Variants in DYNC2H1 observed in about 807,000 individuals in gnomAD.
The protein encoded by DYNC2H1 is cytoplasmic dynein 2 heavy chain 1.
A neutral mutation model predicts 570.0 loss-of-function variants in DYNC2H1; 410 were observed. That is an observed-to-expected ratio of 0.72 (90% CI 0.66 to 0.78). DYNC2H1 has a LOEUF of 0.78. DYNC2H1 is among the 30% of genes least tolerant of loss of function. The pLI is 0.00. For synonymous variants in DYNC2H1, 1,688 were observed against 1,677.6 expected (o/e 1.01, Z -0.15); for missense variants, 4,865 against 5,046.4 (o/e 0.96, Z 1.09).
At chr11:103,381,027 C>A (rs1007020403) in intron 83 of DYNC2H1, among the ~76,000 whole-genome samples, 4 of 152,104 alleles carry the variant, frequency 2.6e-5, no homozygotes, top group African/African-American at 9.7e-5. Flanking sequence ...GAGGATTTAA[C>A]AGAACTTACA....
intron 17 of DYNC2H1, among the ~76,000 whole-genome samples, chr11:103,141,564 G>A (rs1482228136): frequency 6.6e-6 from 1 of 152,170 alleles, no homozygotes; most frequent in African/African-American, 2.4e-5. Context: ...TCCTCTGGAA[G>A]TTTTGTCTCA....
chr11:103,170,272 A>C lies in DYNC2H1; in HGVS notation c.5133A>C (p.Leu1711Phe). Residue 1711 changes from leucine to phenylalanine, a missense_variant, in exon 33 of 89, where the codon TTA becomes TTC. Physicochemically the swap from Leu to Phe is conservative, Grantham distance 22. Around this residue, in one of 5 missense-constraint regions of DYNC2H1, gnomAD observed 292 missense variants for 300.2 expected, o/e 0.97. Transcript: ENST00000375735. This position sits in a 1 kb window ranked among gnomAD's most constrained non-coding sequence, Gnocchi z 4.8. ...GTGGACTTCTTGGAAGACAAGTTTT[A>C]GTCTTTAATTGTGATGAGGTAGAAT... Reference protein sequence around the residue: ...ALGGLLGRQVLVFNCDEGIDV... With the variant: ...ALGGLLGRQVFVFNCDEGIDV... The C allele has an allele frequency of 6.3e-7, 1 of 1,598,200 alleles. No homozygotes were observed. The highest frequency in any genetic ancestry group is 1.3e-5 in the African/African-American group (1 of 74,458).
Position 103,189,945 on chromosome 11 carries a change from G to A in DYNC2H1, c.7437+129G>A. Reference sequence around the variant, plus strand: ...GTTTATTAGACTTTTCTAGTAGAGAGTAACTGTGAAGACAGGTGCTGTGTG... The same window carrying A: ...GTTTATTAGACTTTTCTAGTAGAGAATAACTGTGAAGACAGGTGCTGTGTG... On this transcript the variant is annotated intron_variant, in intron 45 of 88. Coordinates refer to ENST00000375735, the MANE Select transcript of DYNC2H1 (RefSeq NM_001377.3). This position sits in a 1 kb window ranked among gnomAD's most constrained non-coding sequence, Gnocchi z 4.3. 1 of 940,102 alleles carries A rather than the reference G, an allele frequency of 1.1e-6. No homozygotes were observed. The highest frequency in any genetic ancestry group is 1.5e-6 in the Non-Finnish European group (1 of 646,892). The allele number at this position is 940,102 out of a possible 1,614,324, so 58.2% of individuals were successfully genotyped here.
chr11:103,321,337 A>C (rs1329613127), intron 81 of DYNC2H1, 100 bp downstream of exon 81: 2 of 1,127,268 alleles, frequency 1.8e-6, no homozygotes, highest in Non-Finnish European at 2.6e-6. Context: ...TGCACAAGTA[A>C]TTATTCACAG....
chr11:103,479,347 A>C lies in DYNC2H1; in HGVS notation c.*94A>C, dbSNP rs1945672384. Reference sequence around the variant, plus strand: ...GTGGTCAGTCTACATTTGAAATGTTAGTTCAAAATATTAACATATAGTTAT... The same window carrying C: ...GTGGTCAGTCTACATTTGAAATGTTCGTTCAAAATATTAACATATAGTTAT... On this transcript the variant is annotated 3_prime_UTR_variant, in exon 89 of 89. Transcript: ENST00000375735. 7.3e-7 allele frequency: 1 copy of C among 1,378,586 alleles called. No individual in the cohort carries two copies. Among genetic ancestry groups the C allele is most frequent in the East Asian group, 2.5e-5 (1 of 40,716 alleles). The allele number at this position is 1,378,586 out of a possible 1,614,324, so 85.4% of individuals were successfully genotyped here. A position where few individuals can be genotyped will look rare whatever the true frequency, so the allele number is the denominator to read the frequency against.
intron 84 of DYNC2H1, chr11:103,403,603 T>G (rs1014820251): frequency 2.6e-5 from 4 of 152,114 alleles, no homozygotes; most frequent in Admixed American, 2.0e-4. Flanking sequence ...CTGTCCGTAG[T>G]AAAGGCCTGG....
At chr11:103,423,408 TAAAAAAAAAAAAA>T (rs60223334) in intron 84 of DYNC2H1, among the ~76,000 whole-genome samples, 82,724 of 121,958 alleles carry the variant, frequency 0.68, 24,786 homozygotes, top group East Asian at 0.78. Flanking sequence ...GCCAAAAAAG[TAAAAAAAAAAAAA>T]AAAAAAAAAA....
At position 103,177,277 on chromosome 11, in the gene DYNC2H1, GT is replaced by G. The variant is rs1861862991; in HGVS notation, c.5875-278del. 6.6e-6 allele frequency among the ~76,000 whole-genome samples: 1 copy of G among 152,130 alleles called. No individual in the cohort carries two copies. Among genetic ancestry groups the G allele is most frequent in the Non-Finnish European group, 1.5e-5 (1 of 68,026 alleles). Reference sequence around the variant, plus strand: ...TGAATATATTTGAATGAGTGAATGAGTGGAGCAAGTAACGAACATAATTGTT... The same window carrying G: ...TGAATATATTTGAATGAGTGAATGAGGGAGCAAGTAACGAACATAATTGTT... On this transcript the variant is annotated intron_variant, in intron 37 of 88. Transcript: ENST00000375735. This position sits in a 1 kb window ranked among gnomAD's most constrained non-coding sequence, Gnocchi z 4.4.
intron 3 of DYNC2H1, among the ~76,000 whole-genome samples, chr11:103,114,694 G>A (rs1419289856): frequency 2.0e-5 from 3 of 152,098 alleles, no homozygotes; most frequent in South Asian, 2.1e-4. Context: ...GTTCCTTTGA[G>A]CCCCTGGTCA....
chr11:103,260,544 A>G (rs1270577760), intron 70 of DYNC2H1, among the ~76,000 whole-genome samples: 1 of 152,212 alleles, frequency 6.6e-6, no homozygotes, highest in Admixed American at 6.5e-5. Context: ...CGTGTGTTCC[A>G]GAAGAGAACA....
At chr11:103,125,076 C>T in intron 11 of DYNC2H1, 24 bp from the exon 12 acceptor site, 1 of 1,556,898 alleles carries the variant, frequency 6.4e-7, no homozygotes, top group Non-Finnish European at 8.8e-7. Flanking sequence ...TGAAACTTAA[C>T]AGGTTATTTA....
chr11:103,148,259 C>T (rs1860345625), intron 19 of DYNC2H1, among the ~76,000 whole-genome samples: 2 of 152,094 alleles, frequency 1.3e-5, no homozygotes, highest in Admixed American at 6.6e-5. Flanking sequence ...GCATTTTAAG[C>T]TTTTCTTAAA....
rs1483711594 is a variant in DYNC2H1 at position 103,207,495 on chromosome 11, A to G, written c.8455-2381A>G. Among the ~76,000 whole-genome samples, 5 of 152,044 alleles carry G rather than the reference A, an allele frequency of 3.3e-5. No homozygotes were observed. In the East Asian group the frequency reaches 7.7e-4, roughly 23 times the overall value. Reference sequence around the variant, plus strand: ...GATAGATCCAGGTAGGTGGGCAGGTATGGTACTGGGAAGTTTGGGATACTC... The same window carrying G: ...GATAGATCCAGGTAGGTGGGCAGGTGTGGTACTGGGAAGTTTGGGATACTC... On this transcript the variant is annotated intron_variant, in intron 52 of 88. Transcript: ENST00000375735.
At chr11:103,381,899 C>T (rs946952301) in intron 83 of DYNC2H1, among the ~76,000 whole-genome samples, 6 of 152,124 alleles carry the variant, frequency 3.9e-5, no homozygotes, top group Non-Finnish European at 8.8e-5. Context: ...ATTGTGTAAA[C>T]TGTTCAAATA....
intron 74 of DYNC2H1, among the ~76,000 whole-genome samples, chr11:103,286,889 T>A (rs1443030288): frequency 6.6e-6 from 1 of 152,202 alleles, no homozygotes; most frequent in Non-Finnish European, 1.5e-5. Context: ...TCTCTGGATC[T>A]AACCCCTTTG....
At position 103,325,325 on chromosome 11, in the gene DYNC2H1, T is replaced by C. The variant is rs1938417989; in HGVS notation, c.12039+1335T>C. On this transcript the variant is annotated intron_variant, in intron 82 of 88. Transcript: ENST00000375735. This position sits in a 1 kb window ranked among gnomAD's most constrained non-coding sequence, Gnocchi z 4.8. ...ATTGTATTTCCTAGGTTGTCTCCCATGGTTTTTATAGTTTTAGCTTTTACA... is the reference window on the plus strand; with the variant it reads ...ATTGTATTTCCTAGGTTGTCTCCCACGGTTTTTATAGTTTTAGCTTTTACA... 6.6e-6 allele frequency among the ~76,000 whole-genome samples: 1 copy of C among 152,180 alleles called. No homozygotes were observed. Among genetic ancestry groups the C allele is most frequent in the African/African-American group, 2.4e-5 (1 of 41,460 alleles).
rs763951914 is a variant in DYNC2H1 at position 103,187,378 on chromosome 11, C to T, written c.6932C>T (p.Thr2311Ile). ...TACGCATTTTCACAACTCCGGTCCA[C>T]TCAAATTGCTACAGTTCACTGTAGT... ...LRYAFSQLRS[T>I]QIATVHCSAQ... Residue 2311 changes from threonine (T) to isoleucine (I), a missense_variant, in exon 43 of 89, where the codon ACT (threonine) becomes ATT (isoleucine). This residue lies in a region of DYNC2H1 where 2,401 missense variants were observed against 2,454.6 expected (regional missense o/e 0.98). Transcript: ENST00000375735. 2 of 1,613,142 alleles carry T rather than the reference C, an allele frequency of 1.2e-6. No homozygotes were observed. Among genetic ancestry groups the T allele is most frequent in the South Asian group, 2.2e-5 (2 of 91,066 alleles).
intron 78 of DYNC2H1, among the ~76,000 whole-genome samples, chr11:103,309,573 A>C (rs747241310): frequency 1.3e-4 from 19 of 151,728 alleles, no homozygotes; most frequent in Non-Finnish European, 2.5e-4. Context: ...AAAAAGGGTA[A>C]GCATTAATCC....
intron 39 of DYNC2H1, among the ~76,000 whole-genome samples, chr11:103,179,650 A>G (rs749597700): frequency 2.6e-4 from 39 of 151,808 alleles, no homozygotes; most frequent in Admixed American, 8.5e-4. Flanking sequence ...TTAGATTCAC[A>G]GAATTTTAGG....
Sources: allele counts gnomAD v4.1 joint callset (sites outside exome capture counted in the v4.1 genomes callset), GRCh38; gene constraint gnomAD v4.1.1; regional missense constraint gnomAD v4.1.1; non-coding constraint Gnocchi (gnomAD v3.1); transcripts MANE v1.5; gene names NCBI Gene and HGNC (gene_info 2026-07-23, HGNC 2026-07-21).